Variants in CARHSP1 observed in about 807,000 individuals in gnomAD.
CARHSP1 encodes calcium-regulated heat-stable protein 1.
A neutral mutation model predicts 12.5 loss-of-function variants in CARHSP1; 14 were observed. The observed-to-expected ratio is 1.12, with a 90% CI of 0.74 to 1.75. The LOEUF (loss-of-function observed/expected upper bound fraction) is 1.75. Ranked by LOEUF, CARHSP1 falls within the 40% of genes most tolerant of loss-of-function variation. The pLI is 0.00. For missense variants in CARHSP1, 343 were observed against 201.6 expected (o/e 1.70, Z -4.25); for synonymous variants, 161 against 82.0 (o/e 1.96, Z -5.20).
chr16:8,858,560 A>C, intron 2 of CARHSP1, 88 bp from the exon 3 acceptor site: 2 of 1,526,584 alleles, frequency 1.3e-6, no homozygotes, highest in Non-Finnish European at 1.8e-6. Context: ...GCTGTGCCCC[A>C]TCAAGCCCTG....
chr16:8,862,721 G>C (rs1210690996), intron 1 of CARHSP1, among the ~76,000 whole-genome samples: 1 of 152,202 alleles, frequency 6.6e-6, no homozygotes, highest in Admixed American at 6.5e-5. Flanking sequence ...ACTGAGGCCA[G>C]TGGGGAAACC....
At chr16:8,863,660 G>A (rs2061407380) in intron 1 of CARHSP1, among the ~76,000 whole-genome samples, 1 of 152,156 alleles carries the variant, frequency 6.6e-6, no homozygotes, top group South Asian at 2.1e-4. Context: ...GGTGGCCAGA[G>A]TAGGCCTGGC....
In CARHSP1 at chr16:8,859,352, C is replaced by G. The variant is rs976912021; in HGVS notation, c.-7-17G>C. ...ATGGCTGACCTGGAAAGAGAAGAGG[C>G]TGTCAGGGGCTCGTGCCTTGCAAGG... On this transcript the variant is annotated splice_polypyrimidine_tract_variant and intron_variant, in intron 1 of 3. Transcript: ENST00000311052. 8 of 1,591,922 alleles carry G rather than the reference C, an allele frequency of 5.0e-6. No individual in the cohort carries two copies. In the East Asian group the frequency reaches 9.0e-5, roughly 18 times the overall value.
At chr16:8,861,630 T>C in intron 1 of CARHSP1, 4 of 1,289,130 alleles carry the variant, frequency 3.1e-6, no homozygotes, top group Non-Finnish European at 4.0e-6. Flanking sequence ...GGGAAGCTGG[T>C]GGCTGGCTTG....
chr16:8,862,048 G>T (rs1398789456), intron 1 of CARHSP1, among the ~76,000 whole-genome samples: 2 of 137,526 alleles, frequency 1.5e-5, no homozygotes, highest in Non-Finnish European at 3.1e-5. Context: ...TGTCGCCCAG[G>T]CTGGAGTGCA....
intron 1 of CARHSP1, among the ~76,000 whole-genome samples, chr16:8,862,587 C>G (rs1347300302): frequency 6.6e-6 from 1 of 152,202 alleles, no homozygotes. Flanking sequence ...TGGGAATACA[C>G]ACGCTAATCA....
At chr16:8,857,456 TTTTTTTTCTA>T (rs1212935631) in intron 3 of CARHSP1, 17 of 116,756 alleles carry the variant, frequency 1.5e-4, no homozygotes, top group African/African-American at 5.5e-4. Context: ...CTTTTTTTTT[TTTTTTTTCTA>T]TTTTTTTGTA....
intron 1 of CARHSP1, among the ~76,000 whole-genome samples, chr16:8,865,434 AG>A (rs2061439044): frequency 6.6e-6 from 1 of 152,232 alleles, no homozygotes; most frequent in African/African-American, 2.4e-5. Context: ...TAATAGCTTC[AG>A]CCCCTTTATT....
At chr16:8,858,220 G>T in intron 3 of CARHSP1, 130 bp downstream of exon 3, 1 of 1,101,904 alleles carries the variant, frequency 9.1e-7, no homozygotes, top group Non-Finnish European at 1.3e-6. Flanking sequence ...CCAGCCACAG[G>T]CAGAGTCACA....
intron 1 of CARHSP1, among the ~76,000 whole-genome samples, chr16:8,860,969 G>C (rs117562507): frequency 0.046 from 6,889 of 151,138 alleles, 227 homozygotes; most frequent in Middle Eastern, 0.14. Flanking sequence ...AGAATTGCTT[G>C]AACCAGGGAG....
At chr16:8,857,741 C>T (rs1272781380) in intron 3 of CARHSP1, 1 of 148,018 alleles carries the variant, frequency 6.8e-6, no homozygotes, top group Non-Finnish European at 1.5e-5. Flanking sequence ...ATGCACCTGT[C>T]ACCACGCCCT....
At position 8,855,062 on chromosome 16, in the gene CARHSP1, T is replaced by G. The variant is rs1248325371; in HGVS notation, c.*102A>C. 5.9e-6 allele frequency: 6 copies of G among 1,025,192 alleles called. No homozygotes were observed. The highest frequency in any genetic ancestry group is 7.9e-6 in the Non-Finnish European group (6 of 760,320). 63.5% of individuals were successfully genotyped at this position (1,025,192 alleles called of 1,614,324 possible). A position where few individuals can be genotyped will look rare whatever the true frequency, so the allele number is the denominator to read the frequency against. ...ATACTTGAGAGGGACCATGCCCGGCTGAAGCCCCGTCTCGTGTGGAAGAAT... is the reference window on the plus strand; with the variant it reads ...ATACTTGAGAGGGACCATGCCCGGCGGAAGCCCCGTCTCGTGTGGAAGAAT... On this transcript the variant is annotated 3_prime_UTR_variant, in exon 4 of 4. Transcript: ENST00000311052.
intron 1 of CARHSP1, among the ~76,000 whole-genome samples, chr16:8,865,129 G>C (rs952404734): frequency 5.9e-5 from 9 of 152,164 alleles, no homozygotes; most frequent in African/African-American, 1.9e-4. Flanking sequence ...GTTTTTGTGA[G>C]ACAGAATCTC....
intron 1 of CARHSP1, among the ~76,000 whole-genome samples, chr16:8,863,350 C>G (rs184782809): frequency 2.0e-5 from 3 of 151,972 alleles, no homozygotes; most frequent in Non-Finnish European, 4.4e-5. Flanking sequence ...TGGGCTCAAG[C>G]GATCGGCGCA....
rs1250779108 is a variant in CARHSP1, at chr16:8,861,591, C to T, written c.-7-2256G>A. On this transcript the variant is annotated intron_variant, in intron 1 of 3. Coordinates refer to ENST00000311052, the MANE Select transcript of CARHSP1 (RefSeq NM_014316.4). The stretch of plus-strand genomic sequence containing the variant: ...ACCCCTCCCCAGACATTGCTGCACT[C>T]TCCCGTTGGGCCTCAGTTCTGTCGG... 3 of 1,285,268 alleles carry T rather than the reference C, an allele frequency of 2.3e-6. No individual in the cohort carries two copies. In the African/African-American group the frequency reaches 4.6e-5, roughly 20 times the overall value. 79.6% of individuals were successfully genotyped at this position (1,285,268 alleles called of 1,614,324 possible). A position where few individuals can be genotyped will look rare whatever the true frequency, so the allele number is the denominator to read the frequency against.
chr16:8,860,537 G>C lies in CARHSP1; in HGVS notation c.-7-1202C>G, dbSNP rs551277360. 55 of 985,280 alleles carry C rather than the reference G, an allele frequency of 5.6e-5. No individual in the cohort carries two copies. In the Admixed American group the frequency reaches 6.8e-4, roughly 12 times the overall value. 61.0% of individuals were successfully genotyped at this position (985,280 alleles called of 1,614,324 possible). ...CAGTCCAGCAGTCAGAGGCCCTTGG[G>C]TAAGTCCTTTCCCATCTCTGGGCTC... is the stretch of plus-strand genomic sequence containing the variant. On this transcript the variant is annotated intron_variant, in intron 1 of 3. Transcript: ENST00000311052.
intron 1 of CARHSP1, chr16:8,866,539 C>G (rs866255472): frequency 3.4e-6 from 3 of 882,182 alleles, no homozygotes; most frequent in African/African-American, 3.6e-5. Context: ...GGCCGAGAGG[C>G]GGGGCGGGTC....
chr16:8,863,830 C>T (rs757995016), intron 1 of CARHSP1, among the ~76,000 whole-genome samples: 1 of 152,184 alleles, frequency 6.6e-6, no homozygotes, highest in South Asian at 2.1e-4. Flanking sequence ...TCTGCTGTGT[C>T]CCCTCCACAA....
intron 1 of CARHSP1, among the ~76,000 whole-genome samples, chr16:8,864,014 G>A (rs1218326328): frequency 2.0e-5 from 3 of 152,318 alleles, no homozygotes; most frequent in Middle Eastern, 3.4e-3. Context: ...CTGGGGGAGG[G>A]AGGAAGGCTG....
Sources: gnomAD v4.1 joint callset for allele counts (sites outside exome capture counted in the v4.1 genomes callset) on GRCh38, gnomAD v4.1.1 for gene constraint, MANE v1.5 for transcripts, NCBI Gene and HGNC (gene_info 2026-07-23, HGNC 2026-07-21) for gene names.